The following ABI3BP variants were observed in gnomAD, a reference collection of about 807,000 sequenced individuals.
ABI3BP encodes the protein ABI family member 3 binding protein.
In ABI3BP, 216 loss-of-function variants were observed where a neutral mutation model predicts 268.6. That is an observed-to-expected ratio of 0.80 (90% CI 0.72 to 0.90). ABI3BP has a LOEUF of 0.90. Ranked by LOEUF, ABI3BP falls within the 40% of genes least tolerant of loss-of-function variation. The pLI, the probability that ABI3BP is intolerant of heterozygous loss-of-function variation, is 0.00. For missense variants in ABI3BP, 2,090 were observed against 2,182.4 expected (o/e 0.96, Z 0.84); for synonymous variants, 730 against 730.0 (o/e 1.00, Z 0.00).
At chr3:100,877,999 C>T (rs2099180546) in intron 6 of ABI3BP, among the ~76,000 whole-genome samples, 1 of 152,092 alleles carries the variant, frequency 6.6e-6, no homozygotes, top group Non-Finnish European at 1.5e-5. Flanking sequence ...TTAAAAAAAT[C>T]ACAACGAATA....
intron 9 of ABI3BP, among the ~76,000 whole-genome samples, chr3:100,867,655 A>AG (rs1226217141): frequency 1.3e-5 from 2 of 151,252 alleles, no homozygotes; most frequent in Non-Finnish European, 2.9e-5. Flanking sequence ...AAAAAAAAAA[A>AG]AAAAAAGAAA....
chr3:100,986,485 G>A (rs999170291), intron 1 of ABI3BP, among the ~76,000 whole-genome samples: 3 of 149,518 alleles, frequency 2.0e-5, no homozygotes, highest in African/African-American at 7.4e-5. Context: ...TTTTTTTTTT[G>A]AAATGGAGTC....
chr3:100,893,163 A>T (rs1020978710), intron 4 of ABI3BP, among the ~76,000 whole-genome samples: 1 of 152,164 alleles, frequency 6.6e-6, no homozygotes, highest in African/African-American at 2.4e-5. Context: ...CCCCTCAAAC[A>T]TCAGACTTCA....
intron 1 of ABI3BP, among the ~76,000 whole-genome samples, chr3:100,942,578 A>T (rs1196717535): frequency 6.6e-6 from 1 of 152,082 alleles, no homozygotes; most frequent in Non-Finnish European, 1.5e-5. Context: ...TATTTTCATG[A>T]AAATTCATGG....
chr3:100,828,374 G>T lies in ABI3BP; in HGVS notation c.2602+19C>A. 1 of 1,525,824 alleles carries T rather than the reference G, an allele frequency of 6.6e-7. No individual in the cohort carries two copies. Among genetic ancestry groups the T allele is most frequent in the Non-Finnish European group, 8.8e-7 (1 of 1,137,870 alleles). 94.5% of individuals were successfully genotyped at this position (1,525,824 alleles called of 1,614,324 possible). A position where few individuals can be genotyped will look rare whatever the true frequency, so the allele number is the denominator to read the frequency against. ...GTGAGCAGAAAAAGCACTTGCTGAA[G>T]ATCAAAAAGTGGCATTACCGAATGT... On this transcript the variant is annotated intron_variant, in intron 34 of 67. Transcript: ENST00000471714.
At chr3:100,876,372 A>G (rs964426200) in intron 7 of ABI3BP, 140 bp downstream of exon 7, 2 of 749,920 alleles carry the variant, frequency 2.7e-6, no homozygotes, top group Non-Finnish European at 4.2e-6. Context: ...CCAGTTTACT[A>G]GACCATTATA....
chr3:100,807,756 A>G (rs963049641), intron 50 of ABI3BP, among the ~76,000 whole-genome samples: 1 of 151,984 alleles, frequency 6.6e-6, no homozygotes, highest in African/African-American at 2.4e-5. Context: ...GGGTGGGTGA[A>G]CCTCAGACAT....
chr3:100,848,956 C>G (rs1464045708), intron 17 of ABI3BP, 81 bp from the exon 18 acceptor site: 1 of 1,127,538 alleles, frequency 8.9e-7, no homozygotes, highest in Non-Finnish European at 1.3e-6. Context: ...TTGCAAACTC[C>G]AAGTACAAGA....
chr3:100,971,634 A>T (rs774967885), intron 1 of ABI3BP, among the ~76,000 whole-genome samples: 20 of 152,198 alleles, frequency 1.3e-4, no homozygotes, highest in South Asian at 2.1e-4. Flanking sequence ...TTTTATGCTC[A>T]CCACTTGTTC....
chr3:100,845,091 G>A (rs1258681235), intron 20 of ABI3BP, among the ~76,000 whole-genome samples: 2 of 152,102 alleles, frequency 1.3e-5, no homozygotes, highest in African/African-American at 2.4e-5. Context: ...TCATTTGAGA[G>A]AAACCTTATT....
intron 1 of ABI3BP, among the ~76,000 whole-genome samples, chr3:100,943,134 A>G (rs2070296533): frequency 6.6e-6 from 1 of 152,116 alleles, no homozygotes; most frequent in Non-Finnish European, 1.5e-5. Context: ...ATCAAAGATG[A>G]GTTATTTTCC....
chr3:100,878,003 A>G (rs2099180648), intron 6 of ABI3BP, among the ~76,000 whole-genome samples: 1 of 152,152 alleles, frequency 6.6e-6, no homozygotes, highest in African/African-American at 2.4e-5. Flanking sequence ...AAAAATCACA[A>G]CGAATAAAAG....
At chr3:100,828,334 G>T in intron 34 of ABI3BP, 59 bp downstream of exon 34, 1 of 1,436,594 alleles carries the variant, frequency 7.0e-7, no homozygotes, top group Non-Finnish European at 9.4e-7. Flanking sequence ...AATATACAGT[G>T]GAATAAGCTT....
intron 34 of ABI3BP, among the ~76,000 whole-genome samples, chr3:100,828,039 A>C (rs1190117517): frequency 1.3e-5 from 2 of 152,102 alleles, no homozygotes; most frequent in African/African-American, 4.8e-5. Flanking sequence ...ATAAACCCCC[A>C]AAAAAGGAAA....
chr3:100,933,706 GA>G (rs1012099616), intron 1 of ABI3BP, among the ~76,000 whole-genome samples: 1 of 149,474 alleles, frequency 6.7e-6, no homozygotes, highest in Non-Finnish European at 1.5e-5. Context: ...TAAAAAGAAA[GA>G]AAAAACATGA....
chr3:100,767,763 T>A (rs1394859483), intron 62 of ABI3BP, among the ~76,000 whole-genome samples: 1 of 152,208 alleles, frequency 6.6e-6, no homozygotes, highest in Non-Finnish European at 1.5e-5. Context: ...GCCTTGATAG[T>A]ATTTTTCATA....
intron 1 of ABI3BP, among the ~76,000 whole-genome samples, chr3:100,971,999 G>T (rs530913482): frequency 1.3e-5 from 2 of 152,238 alleles, no homozygotes; most frequent in East Asian, 1.9e-4. Flanking sequence ...CTAAAAAGGG[G>T]CAGGGAGAAG....
At chr3:100,758,850 A>C (rs2095784538) in intron 63 of ABI3BP, among the ~76,000 whole-genome samples, 1 of 152,222 alleles carries the variant, frequency 6.6e-6, no homozygotes, top group South Asian at 2.1e-4. Context: ...AAAACTGTTA[A>C]GAGACAAGAA....
chr3:100,778,444 AG>A (rs2096772447), intron 58 of ABI3BP, 68 bp from the exon 59 acceptor site: 2 of 1,414,038 alleles, frequency 1.4e-6, no homozygotes, highest in African/African-American at 2.9e-5. Context: ...CGAAAAAAAC[AG>A]GGTTTTTAAA....
Sources: allele counts gnomAD v4.1 joint callset (sites outside exome capture counted in the v4.1 genomes callset), GRCh38; gene constraint gnomAD v4.1.1; transcripts MANE v1.5; gene names NCBI Gene and HGNC (gene_info 2026-07-23, HGNC 2026-07-21).